The following COL4A6 variants were observed in gnomAD, a reference collection of about 807,000 sequenced individuals.
The protein encoded by COL4A6 is collagen type IV alpha 6 chain, also known as collagen alpha-6(IV) chain.
COL4A6 carries 59 observed loss-of-function variants against 126.7 expected under a neutral mutation model. That is an observed-to-expected ratio of 0.47 (90% CI 0.38 to 0.58). COL4A6 has a LOEUF of 0.58. Ranked by LOEUF, COL4A6 falls within the 20% of genes least tolerant of loss-of-function variation. The pLI is 0.00. For synonymous variants in COL4A6, 547 were observed against 496.6 expected (o/e 1.10, Z -1.35); for missense variants, 1,285 against 1,337.3 (o/e 0.96, Z 0.61).
At chrX:108,324,553 G>A (rs953837442) in intron 2 of COL4A6, among the ~76,000 whole-genome samples, 1 of 111,823 alleles carries the variant, frequency 8.9e-6, no homozygotes, top group Non-Finnish European at 1.9e-5. Context: ...TGCACATTAA[G>A]CTTGAATTTC....
At chrX:108,426,042 C>T (rs1283230155) in intron 2 of COL4A6, among the ~76,000 whole-genome samples, 2 of 111,110 alleles carry the variant, frequency 1.8e-5, no homozygotes, top group South Asian at 3.8e-4. Flanking sequence ...AGGTGCTAGA[C>T]GGTATTTATG....
chrX:108,408,448 T>C (rs2041255979), intron 2 of COL4A6, among the ~76,000 whole-genome samples: 1 of 112,006 alleles, frequency 8.9e-6, no homozygotes, highest in Admixed American at 9.4e-5. Flanking sequence ...TTTAAGCTTA[T>C]GGATCACTTA....
intron 12 of COL4A6, 126 bp downstream of exon 12, chrX:108,204,193 TA>T: frequency 2.1e-6 from 1 of 468,770 alleles, no homozygotes; most frequent in Non-Finnish European, 3.2e-6. Flanking sequence ...CTCTCACTTC[TA>T]AACAAAAATC....
intron 2 of COL4A6, among the ~76,000 whole-genome samples, chrX:108,369,443 G>A (rs1337209358): frequency 8.9e-6 from 1 of 111,760 alleles, no homozygotes; most frequent in African/African-American, 3.2e-5. Flanking sequence ...ATATGAGGAG[G>A]TTCTGTTAAA....
chrX:108,343,165 A>ATAGT (rs1377817612), intron 2 of COL4A6, among the ~76,000 whole-genome samples: 2 of 31,418 alleles, frequency 6.4e-5, no homozygotes, highest in East Asian at 1.3e-3. Flanking sequence ...ATATATATAT[A>ATAGT]GTGTGTGTGT....
intron 13 of COL4A6, among the ~76,000 whole-genome samples, chrX:108,201,418 A>AAT (rs933935228): frequency 6.2e-5 from 7 of 112,053 alleles, no homozygotes; most frequent in Admixed American, 2.8e-4. Flanking sequence ...CAACTGTAAA[A>AAT]ATATATATAT....
chrX:108,157,282 T>G, intron 44 of COL4A6, 22 bp from the exon 45 acceptor site: 1 of 1,197,554 alleles, frequency 8.4e-7, no homozygotes, highest in African/African-American at 1.7e-5. Flanking sequence ...AGGAGATTAG[T>G]GCATGAGCTG....
At chrX:108,374,572 G>A (rs892447967) in intron 2 of COL4A6, among the ~76,000 whole-genome samples, 5 of 112,016 alleles carry the variant, frequency 4.5e-5, no homozygotes, top group African/African-American at 1.6e-4. Context: ...AAGGTTCTCA[G>A]GAGTGAGTAA....
intron 31 of COL4A6, among the ~76,000 whole-genome samples, chrX:108,173,620 A>G (rs1476773688): frequency 8.9e-6 from 1 of 112,053 alleles, no homozygotes; most frequent in Non-Finnish European, 1.9e-5. Flanking sequence ...TACATCTGCT[A>G]TTTATGCAGA....
intron 18 of COL4A6, among the ~76,000 whole-genome samples, chrX:108,191,992 A>C (rs1486181455): frequency 8.9e-6 from 1 of 111,891 alleles, no homozygotes; most frequent in Non-Finnish European, 1.9e-5. Flanking sequence ...CTTTTCCCAC[A>C]TGTCACTATA....
intron 2 of COL4A6, among the ~76,000 whole-genome samples, chrX:108,312,408 T>C (rs1163554635): frequency 8.9e-6 from 1 of 112,275 alleles, no homozygotes; most frequent in Non-Finnish European, 1.9e-5. Context: ...TTATAAGCCC[T>C]TGACATGGTA....
intron 2 of COL4A6, among the ~76,000 whole-genome samples, chrX:108,343,618 A>G (rs1163274801): frequency 9.0e-6 from 1 of 111,373 alleles, no homozygotes; most frequent in African/African-American, 3.3e-5. Context: ...TGAATTAACT[A>G]TTGGTTGAAA....
chrX:108,303,562 A>G (rs1444976314), intron 3 of COL4A6, among the ~76,000 whole-genome samples: 1 of 112,071 alleles, frequency 8.9e-6, no homozygotes, highest in Non-Finnish European at 1.9e-5. Flanking sequence ...TCCTCTCATC[A>G]GAGAGGCACA....
intron 3 of COL4A6, among the ~76,000 whole-genome samples, chrX:108,309,326 G>A (rs1163591317): frequency 9.0e-6 from 1 of 110,911 alleles, no homozygotes; most frequent in Admixed American, 9.6e-5. Flanking sequence ...GACGTAAATA[G>A]ATGAGAAATC....
intron 40 of COL4A6, chrX:108,163,316 C>T (rs1157226312): frequency 1.1e-5 from 3 of 269,822 alleles, no homozygotes; most frequent in East Asian, 1.5e-4. Flanking sequence ...ACAGGCAGTC[C>T]AGAAGCATTT....
At chrX:108,343,851 G>T in intron 2 of COL4A6, among the ~76,000 whole-genome samples, 1 of 109,010 alleles carries the variant, frequency 9.2e-6, no homozygotes, top group Admixed American at 9.7e-5. Flanking sequence ...GTGAGCGTTG[G>T]GGGGAGTTAA....
intron 36 of COL4A6, 85 bp from the exon 37 acceptor site, chrX:108,169,705 C>T (rs777191463): frequency 2.8e-5 from 31 of 1,092,931 alleles, no homozygotes; most frequent in Non-Finnish European, 3.5e-5. Context: ...GCCTGAGAAG[C>T]CTGACTGACA....
intron 37 of COL4A6, among the ~76,000 whole-genome samples, chrX:108,167,450 C>T (rs1202937052): frequency 1.8e-5 from 2 of 111,291 alleles, no homozygotes; most frequent in Non-Finnish European, 3.8e-5. Context: ...AATCCTCCCA[C>T]CTCAGCCCCC....
chrX:108,284,077 T>C (rs2037935473), intron 3 of COL4A6, among the ~76,000 whole-genome samples: 2 of 112,363 alleles, frequency 1.8e-5, no homozygotes, highest in Admixed American at 9.4e-5. Context: ...TACTACTCCA[T>C]TGCTCTGCCT....
Sources: gnomAD v4.1 joint callset for allele counts (sites outside exome capture counted in the v4.1 genomes callset) on GRCh38, gnomAD v4.1.1 for gene constraint, MANE v1.5 for transcripts, NCBI Gene and HGNC (gene_info 2026-07-23, HGNC 2026-07-21) for gene names.